The following LAMA3 variants were observed in gnomAD, a reference collection of about 807,000 sequenced individuals.
The protein encoded by LAMA3 is laminin subunit alpha-3.
A neutral mutation model predicts 402.0 loss-of-function variants in LAMA3; 281 were observed. That is an observed-to-expected ratio of 0.70 (90% CI 0.63 to 0.77). LAMA3 has a LOEUF of 0.77. Among genes scored for constraint, LAMA3 ranks in the 30% least tolerant of loss-of-function variants. The pLI, the probability that LAMA3 is intolerant of heterozygous loss-of-function variation, is 0.00. For synonymous variants in LAMA3, 1,431 were observed against 1,558.4 expected (o/e 0.92, Z 1.93); for missense variants, 3,840 against 4,215.5 (o/e 0.91, Z 2.47).
chr18:23,810,988 C>T (rs981157337), intron 13 of LAMA3, among the ~76,000 whole-genome samples: 1 of 152,160 alleles, frequency 6.6e-6, no homozygotes, highest in African/African-American at 2.4e-5. Flanking sequence ...CCCTGCCCTC[C>T]TCTGGCCTTC....
chr18:23,877,642 G>C (rs1220997783), intron 39 of LAMA3, among the ~76,000 whole-genome samples: 1 of 152,188 alleles, frequency 6.6e-6, no homozygotes, highest in Non-Finnish European at 1.5e-5. Flanking sequence ...GGCTAGAAGA[G>C]GAAATTGTTG....
chr18:23,919,968 C>T (rs1029539256), intron 60 of LAMA3, among the ~76,000 whole-genome samples: 19 of 151,894 alleles, frequency 1.3e-4, no homozygotes, highest in Non-Finnish European at 2.5e-4. Flanking sequence ...AAAGAGAGAG[C>T]TAAGAATGGC....
At chr18:23,831,819 A>G (rs1189825871) in intron 23 of LAMA3, among the ~76,000 whole-genome samples, 2 of 152,218 alleles carry the variant, frequency 1.3e-5, no homozygotes, top group African/African-American at 4.8e-5. Flanking sequence ...AACAGATTTG[A>G]TAAACCCACT....
chr18:23,728,903 C>T (rs1301201647), intron 2 of LAMA3, among the ~76,000 whole-genome samples: 1 of 151,674 alleles, frequency 6.6e-6, no homozygotes, highest in Non-Finnish European at 1.5e-5. Context: ...TGGTGGTGCG[C>T]ACCTATAGTC....
At position 23,915,388 on chromosome 18, in the gene LAMA3, A is replaced by G. The variant is rs1599086064; in HGVS notation, c.7744A>G (p.Asn2582Asp). The G allele has an allele frequency of 3.7e-6, 6 of 1,613,916 alleles. No homozygotes were observed. The East Asian group carries it at 1.3e-4, about 36-fold the overall frequency. The change falls in exon 59 of 75, where the codon AAT (asparagine) becomes GAT (aspartate). Residue 2582 changes from asparagine (N) to aspartate (D), a missense_variant. Around this residue, in one of 3 missense-constraint regions of LAMA3, gnomAD observed 840 missense variants for 981.9 expected, o/e 0.86. Transcript: ENST00000313654. ...CTTGTACAACTTCAAAAAAACATTC[A>G]ATCTCAACACAACTGAAGTGGAGCC... ...LSLYNFKKTF[N>D]LNTTEVEPCR...
At chr18:23,830,904 C>T (rs953419245) in intron 23 of LAMA3, among the ~76,000 whole-genome samples, 22 of 152,286 alleles carry the variant, frequency 1.4e-4, no homozygotes, top group African/African-American at 5.1e-4. Flanking sequence ...CTGACATTAC[C>T]TCTTTGATGT....
At chr18:23,717,542 CTTTTTTTTTTTTTTTTT>C (rs138974380) in intron 2 of LAMA3, among the ~76,000 whole-genome samples, 1 of 64,856 alleles carries the variant, frequency 1.5e-5, no homozygotes, top group South Asian at 7.2e-4. Context: ...TGGACTTGAT[CTTTTTTTTTTTTTTTTT>C]TTTTTTTTTT....
intron 44 of LAMA3, among the ~76,000 whole-genome samples, chr18:23,897,790 C>T (rs2080925118): frequency 6.6e-6 from 1 of 152,120 alleles, no homozygotes; most frequent in Admixed American, 6.6e-5. Flanking sequence ...AGAAAGATTA[C>T]GTATAAGAAG....
In LAMA3 at chr18:23,724,740, G is replaced by A. The variant is rs776796972; in HGVS notation, c.447+10668G>A. Among the ~76,000 whole-genome samples, 4 of 152,114 alleles carry A rather than the reference G, an allele frequency of 2.6e-5. No individual in the cohort carries two copies. In the East Asian group the frequency reaches 7.7e-4, roughly 29 times the overall value. On this transcript the variant is annotated intron_variant, in intron 2 of 74. Coordinates refer to ENST00000313654, the MANE Select transcript of LAMA3 (RefSeq NM_198129.4). ...GGCCATTTTCCTATTACTATTAATG[G>A]CAAGCATATATAAGGAAAAACTGAA...
intron 21 of LAMA3, among the ~76,000 whole-genome samples, chr18:23,825,828 G>A (rs537361963): frequency 6.6e-6 from 1 of 152,220 alleles, no homozygotes; most frequent in Admixed American, 6.5e-5. Flanking sequence ...TCATAAGGGT[G>A]CCTATGATCA....
chr18:23,816,593 C>G (rs12608087), intron 18 of LAMA3, 106 bp downstream of exon 18: 3 of 921,688 alleles, frequency 3.3e-6, no homozygotes, highest in Non-Finnish European at 5.2e-6. Context: ...CCCTAAAGAT[C>G]GAGGTCAGGG....
intron 42 of LAMA3, among the ~76,000 whole-genome samples, chr18:23,892,764 G>A (rs973867562): frequency 1.9e-4 from 29 of 151,968 alleles, no homozygotes; most frequent in African/African-American, 7.0e-4. Flanking sequence ...TTAGCTGGGT[G>A]TGGTGGCAGA....
At chr18:23,701,495 C>T (rs2060788597) in intron 1 of LAMA3, among the ~76,000 whole-genome samples, 1 of 152,172 alleles carries the variant, frequency 6.6e-6, no homozygotes, top group Non-Finnish European at 1.5e-5. Flanking sequence ...CAATTACTGC[C>T]TTCCTTCCTG....
intron 25 of LAMA3, 155 bp downstream of exon 25, chr18:23,837,244 TG>T (rs2063601895): frequency 1.5e-6 from 1 of 657,892 alleles, no homozygotes; most frequent in Admixed American, 2.2e-5. Context: ...GAACCTGACT[TG>T]CCTCTTCATT....
At chr18:23,936,231 T>C (rs1019701611) in intron 67 of LAMA3, among the ~76,000 whole-genome samples, 5 of 151,344 alleles carry the variant, frequency 3.3e-5, no homozygotes, top group Non-Finnish European at 7.4e-5. Flanking sequence ...TATTTTTTCT[T>C]TTTATATATA....
chr18:23,809,962 C>T (rs1378182303), intron 12 of LAMA3, among the ~76,000 whole-genome samples: 1 of 152,118 alleles, frequency 6.6e-6, no homozygotes, highest in African/African-American at 2.4e-5. Flanking sequence ...CCTGCATCCT[C>T]CTCCTACAAA....
intron 29 of LAMA3, among the ~76,000 whole-genome samples, chr18:23,843,476 G>A (rs186362882): frequency 8.5e-5 from 13 of 152,180 alleles, no homozygotes; most frequent in South Asian, 2.1e-4. Flanking sequence ...TTTCTCTGCC[G>A]TGCCTCCTGG....
chr18:23,806,162 C>T (rs2062958530), intron 12 of LAMA3, among the ~76,000 whole-genome samples: 1 of 152,190 alleles, frequency 6.6e-6, no homozygotes. Flanking sequence ...ACCCGCCTTG[C>T]TTTTGGTGGT....
intron 1 of LAMA3, among the ~76,000 whole-genome samples, chr18:23,712,916 T>C (rs1431317853): frequency 6.6e-6 from 1 of 151,816 alleles, no homozygotes; most frequent in Non-Finnish European, 1.5e-5. Context: ...GTTCAGTATG[T>C]GAAGTCCATC....
Sources: gnomAD v4.1 joint callset for allele counts (sites outside exome capture counted in the v4.1 genomes callset) on GRCh38, gnomAD v4.1.1 for gene constraint, gnomAD v4.1.1 regional missense constraint, MANE v1.5 for transcripts, NCBI Gene and HGNC (gene_info 2026-07-23, HGNC 2026-07-21) for gene names.